RANBP2: variants seen among roughly 807,000 people sequenced by gnomAD.
The protein encoded by RANBP2 is RAN binding protein 2.
In RANBP2, 57 loss-of-function variants were observed where a neutral mutation model predicts 303.6. The observed-to-expected ratio is 0.19, with a 90% confidence interval of 0.15 to 0.23. The LOEUF (loss-of-function observed/expected upper bound fraction) is 0.23, where lower values mean the gene tolerates loss of function less well. RANBP2 is among the 10% of genes least tolerant of loss of function. The pLI, the probability that RANBP2 is intolerant of heterozygous loss-of-function variation, is 1.00. For missense variants in RANBP2, 3,138 were observed against 3,780.8 expected, an observed-to-expected ratio of 0.83 and a Z score of 4.46; for synonymous variants, 1,167 against 1,301.5, an observed-to-expected ratio of 0.90 and a Z score of 2.23.
Position 108,783,698 on chromosome 2 carries a change from C to G in RANBP2, c.9472C>G (p.Leu3158Val). The part of the protein sequence containing the change: ...FDVKHTGPGL[L>V]SMANQGQNTN... ...TGTGAAACATACTGGTCCTGGTTTA[C>G]TATCCATGGCCAATCAAGGCCAGAA... Residue 3158 changes from leucine to valine, a missense_variant, in exon 29 of 29, where the codon CTA becomes GTA. Leu to Val is a conservative substitution (Grantham distance 32). Transcript: ENST00000283195. 1 of 1,610,648 alleles carries G rather than the reference C, an allele frequency of 6.2e-7. No homozygotes were observed. Among genetic ancestry groups the G allele is most frequent in the African/African-American group, 1.3e-5 (1 of 74,960 alleles).
chr2:109,289,493 G>A, the RANBP2 span, among the ~76,000 whole-genome samples: 1 of 152,142 alleles, frequency 6.6e-6, no homozygotes, highest in Non-Finnish European at 1.5e-5. Flanking sequence ...GCTCTTATAC[G>A]CACTCTTGGT....
At chr2:109,349,138 C>T in the RANBP2 span, among the ~76,000 whole-genome samples, 1 of 145,220 alleles carries the variant, frequency 6.9e-6, no homozygotes, top group East Asian at 2.1e-4. Flanking sequence ...GGCCATTGCT[C>T]TCTCCCCCAT....
chr2:108,905,384 C>T, the RANBP2 span, among the ~76,000 whole-genome samples: 2 of 152,300 alleles, frequency 1.3e-5, no homozygotes, highest in Middle Eastern at 3.4e-3. Flanking sequence ...CTGGGGCATG[C>T]GTTTATGGAG....
chr2:108,873,467 C>A, the RANBP2 span: 3 of 1,599,428 alleles, frequency 1.9e-6, no homozygotes, highest in Non-Finnish European at 2.6e-6. Context: ...TGCAGCCTTT[C>A]CTGGAAGCCT....
At chr2:109,586,132 AC>A in the RANBP2 span, among the ~76,000 whole-genome samples, 1 of 152,236 alleles carries the variant, frequency 6.6e-6, no homozygotes, top group Non-Finnish European at 1.5e-5. Context: ...ATATTCACTT[AC>A]AAAATAAAAA....
chr2:108,923,678 T>C, the RANBP2 span, among the ~76,000 whole-genome samples: 9 of 152,250 alleles, frequency 5.9e-5, no homozygotes, highest in African/African-American at 2.2e-4. Flanking sequence ...CGTGGGCCTT[T>C]CTTTTGATCT....
the RANBP2 span, among the ~76,000 whole-genome samples, chr2:109,222,975 C>A: frequency 6.6e-6 from 1 of 152,252 alleles, no homozygotes. Flanking sequence ...CTCCCATCAA[C>A]AGGGTCTGTA....
the RANBP2 span, among the ~76,000 whole-genome samples, chr2:109,466,793 GTATCTATATGTGTGTA>G: frequency 5.8e-4 from 88 of 151,740 alleles, 2 homozygotes; most frequent in African/African-American, 2.1e-3. Flanking sequence ...GTGCATGTGT[GTATCTATATGTGTGTA>G]TGTCTATATG....
At chr2:109,641,072 T>C in the RANBP2 span, among the ~76,000 whole-genome samples, 8 of 152,308 alleles carry the variant, frequency 5.3e-5, no homozygotes, top group Admixed American at 2.0e-4. Context: ...GGGCTGAGTA[T>C]ATACCAAAAT....
chr2:108,889,868 G>A, the RANBP2 span, among the ~76,000 whole-genome samples: 1 of 151,998 alleles, frequency 6.6e-6, no homozygotes, highest in Non-Finnish European at 1.5e-5. Flanking sequence ...CTTATTGATT[G>A]TTGTTGTGGT....
chr2:109,353,911 C>T, the RANBP2 span, among the ~76,000 whole-genome samples: 1 of 152,146 alleles, frequency 6.6e-6, no homozygotes. Flanking sequence ...CCCTGCCTCC[C>T]TCTGGAGTTC....
At chr2:109,504,201 AAACT>A in the RANBP2 span, 7 of 152,270 alleles carry the variant, frequency 4.6e-5, no homozygotes, top group African/African-American at 1.7e-4. Context: ...GGTTAAGATG[AAACT>A]AACCCTTATG....
chr2:109,502,482 G>C, the RANBP2 span: 1 of 152,312 alleles, frequency 6.6e-6, no homozygotes, highest in South Asian at 2.1e-4. Context: ...CAAAGGGGCA[G>C]AATTTTTATA....
the RANBP2 span, among the ~76,000 whole-genome samples, chr2:108,852,707 C>T: frequency 6.6e-6 from 1 of 152,106 alleles, no homozygotes; most frequent in East Asian, 1.9e-4. Flanking sequence ...ATGATGAGAA[C>T]ACATGGATAC....
the RANBP2 span, among the ~76,000 whole-genome samples, chr2:109,066,619 G>A: frequency 6.6e-6 from 1 of 152,106 alleles, no homozygotes; most frequent in African/African-American, 2.4e-5. Context: ...ATTTGCAACT[G>A]GCCCCAGCTG....
the RANBP2 span, among the ~76,000 whole-genome samples, chr2:109,094,536 T>TA: frequency 6.6e-6 from 1 of 152,072 alleles, no homozygotes; most frequent in African/African-American, 2.4e-5. Context: ...GATGTTTATA[T>TA]AAAAAAAGCT....
the RANBP2 span, among the ~76,000 whole-genome samples, chr2:109,414,978 G>T: frequency 6.6e-6 from 1 of 152,200 alleles, no homozygotes; most frequent in Non-Finnish European, 1.5e-5. Context: ...TGGATCACCT[G>T]GGCCACCGCA....
the RANBP2 span, among the ~76,000 whole-genome samples, chr2:109,712,985 G>C: frequency 5.3e-5 from 8 of 152,092 alleles, no homozygotes. Flanking sequence ...CTGAGACAAG[G>C]AGAAAACTTC....
the RANBP2 span, among the ~76,000 whole-genome samples, chr2:109,157,174 A>C: frequency 6.6e-6 from 1 of 152,156 alleles, no homozygotes; most frequent in Non-Finnish European, 1.5e-5. Flanking sequence ...GAATGTTATC[A>C]GAGGGGATCA....
Sources: allele counts gnomAD v4.1 joint callset (sites outside exome capture counted in the v4.1 genomes callset), GRCh38; gene constraint gnomAD v4.1.1; transcripts MANE v1.5; gene names NCBI Gene and HGNC (gene_info 2026-07-23, HGNC 2026-07-21).